The following PDE10A variants were observed in gnomAD, a reference collection of about 807,000 sequenced individuals.
PDE10A encodes the protein phosphodiesterase 10A, also known as cAMP and cAMP-inhibited cGMP 3',5'-cyclic phosphodiesterase 10A.
PDE10A carries 39 observed loss-of-function variants against 97.7 expected under a neutral mutation model. The ratio of observed to expected loss-of-function variants is 0.40; its 90% CI spans 0.31 to 0.52. The LOEUF (loss-of-function observed/expected upper bound fraction) is 0.52. Among genes scored for constraint, PDE10A ranks in the 20% least tolerant of loss-of-function variants. The probability of loss-of-function intolerance (pLI) is 0.56; values close to 1 mark genes in which losing one functional copy is unlikely to be tolerated. For missense variants in PDE10A, 731 were observed against 1,047.8 expected, an observed-to-expected ratio of 0.70 and a Z score of 4.17; for synonymous variants, 371 against 376.8, an observed-to-expected ratio of 0.98 and a Z score of 0.18.
chr6:165,634,233 A>T (rs527504597), intron 1 of PDE10A, among the ~76,000 whole-genome samples: 1 of 152,220 alleles, frequency 6.6e-6, no homozygotes, highest in South Asian at 2.1e-4. Flanking sequence ...ATGTGTCTGC[A>T]GCGGTGCCCA....
At chr6:165,891,451 C>T (rs1781792655) in intron 1 of PDE10A, among the ~76,000 whole-genome samples, 1 of 152,124 alleles carries the variant, frequency 6.6e-6, no homozygotes, top group African/African-American at 2.4e-5. Flanking sequence ...TCCCAGCCTC[C>T]CAGGTTCAGC....
intron 1 of PDE10A, among the ~76,000 whole-genome samples, chr6:165,897,740 G>A (rs781776684): frequency 1.3e-5 from 2 of 151,778 alleles, no homozygotes; most frequent in Non-Finnish European, 2.9e-5. Context: ...CTGTAGGTGA[G>A]CTCAGGATGT....
At chr6:165,718,510 AG>A (rs1187530641) in intron 1 of PDE10A, among the ~76,000 whole-genome samples, 1 of 152,240 alleles carries the variant, frequency 6.6e-6, no homozygotes, top group African/African-American at 2.4e-5. Context: ...ACAAGGGTCT[AG>A]ATAGAACAGG....
intron 1 of PDE10A, among the ~76,000 whole-genome samples, chr6:165,961,735 C>A (rs1189528975): frequency 6.6e-6 from 1 of 152,176 alleles, no homozygotes; most frequent in Non-Finnish European, 1.5e-5. Context: ...CTTTTCAGAG[C>A]CCCAGAACAA....
At chr6:165,565,583 A>G (rs776247830) in intron 1 of PDE10A, among the ~76,000 whole-genome samples, 2 of 152,206 alleles carry the variant, frequency 1.3e-5, no homozygotes, top group Admixed American at 1.3e-4. Flanking sequence ...AAAACTGATT[A>G]AAGTTTATAT....
At chr6:165,916,555 G>A (rs549900783) in intron 1 of PDE10A, among the ~76,000 whole-genome samples, 1 of 152,220 alleles carries the variant, frequency 6.6e-6, no homozygotes, top group Non-Finnish European at 1.5e-5. Context: ...CAAATGACAA[G>A]ACCTAATGAC....
chr6:165,447,873 A>C lies in PDE10A; in HGVS notation c.1194+1055T>G, dbSNP rs570904415. On this transcript the variant is annotated intron_variant, in intron 5 of 21. Coordinates refer to ENST00000539869, the MANE Select transcript of PDE10A (RefSeq NM_001385079.1). ...ATAAGCCTTTCATTTTTGAGGTAAC[A>C]AGCGTAATTTGTTACAATACAAGGG... Among the ~76,000 whole-genome samples, 50 of 152,360 alleles carry C rather than the reference A, an allele frequency of 3.3e-4. No individual in the cohort carries two copies. The East Asian group carries it at 8.3e-3, about 25-fold the overall frequency.
intron 2 of PDE10A, among the ~76,000 whole-genome samples, chr6:165,501,528 G>A (rs866476191): frequency 1.2e-4 from 18 of 151,328 alleles, no homozygotes; most frequent in Middle Eastern, 3.4e-3. Flanking sequence ...AGCAGAGATC[G>A]CGCCACTGCA....
chr6:165,627,648 G>C (rs1463583732), intron 1 of PDE10A, among the ~76,000 whole-genome samples: 1 of 152,232 alleles, frequency 6.6e-6, no homozygotes, highest in South Asian at 2.1e-4. Context: ...TGGCAGAGCA[G>C]AGTAATCAAA....
At chr6:165,950,600 TC>T (rs1483586981) in intron 1 of PDE10A, among the ~76,000 whole-genome samples, 1 of 152,180 alleles carries the variant, frequency 6.6e-6, no homozygotes, top group African/African-American at 2.4e-5. Flanking sequence ...CACAGGAGAC[TC>T]CCAATACCTG....
At chr6:165,700,197 A>G (rs1438593451) in intron 1 of PDE10A, among the ~76,000 whole-genome samples, 1 of 152,220 alleles carries the variant, frequency 6.6e-6, no homozygotes, top group Non-Finnish European at 1.5e-5. Flanking sequence ...GAAACCAGTC[A>G]CAAGAGACCA....
chr6:165,920,486 A>C (rs1782723943), intron 1 of PDE10A, among the ~76,000 whole-genome samples: 1 of 152,098 alleles, frequency 6.6e-6, no homozygotes, highest in South Asian at 2.1e-4. Flanking sequence ...TTGGTCTTAT[A>C]CTGTGGCATA....
At chr6:165,730,331 G>A (rs1792398837) in intron 1 of PDE10A, among the ~76,000 whole-genome samples, 1 of 152,280 alleles carries the variant, frequency 6.6e-6, no homozygotes, top group Non-Finnish European at 1.5e-5. Flanking sequence ...AAAGCCATGT[G>A]TTCTCTGAAA....
chr6:165,651,960 T>G (rs1191146538), intron 1 of PDE10A, among the ~76,000 whole-genome samples: 1 of 152,182 alleles, frequency 6.6e-6, no homozygotes, highest in Admixed American at 6.6e-5. Context: ...CTGCCACGTG[T>G]CTGGGTTTGT....
intron 1 of PDE10A, among the ~76,000 whole-genome samples, chr6:165,716,267 G>C (rs1301064121): frequency 6.6e-6 from 1 of 152,192 alleles, no homozygotes; most frequent in Non-Finnish European, 1.5e-5. Context: ...CGCACAGTAT[G>C]ATTGCTTTAC....
At chr6:165,749,373 A>G (rs1158780672) in intron 1 of PDE10A, among the ~76,000 whole-genome samples, 5 of 150,854 alleles carry the variant, frequency 3.3e-5, no homozygotes, top group African/African-American at 1.2e-4. Flanking sequence ...CATCATCACC[A>G]TCACCACCAC....
chr6:165,651,763 T>A (rs560534281), intron 1 of PDE10A, among the ~76,000 whole-genome samples: 35 of 152,324 alleles, frequency 2.3e-4, no homozygotes, highest in African/African-American at 8.2e-4. Flanking sequence ...TGCATTTAAA[T>A]ATACACATAA....
At chr6:165,773,967 A>C (rs931986783) in intron 1 of PDE10A, among the ~76,000 whole-genome samples, 2 of 152,092 alleles carry the variant, frequency 1.3e-5, no homozygotes, top group African/African-American at 4.8e-5. Context: ...AGATGCTTTT[A>C]AGACATTATT....
At chr6:165,760,753 A>G (rs2128457906) in intron 1 of PDE10A, among the ~76,000 whole-genome samples, 1 of 152,314 alleles carries the variant, frequency 6.6e-6, no homozygotes, top group South Asian at 2.1e-4. Flanking sequence ...TTTTCATTTT[A>G]AAGATGAGAA....
Sources: allele counts gnomAD v4.1 joint callset (sites outside exome capture counted in the v4.1 genomes callset), GRCh38; gene constraint gnomAD v4.1.1; transcripts MANE v1.5; gene names NCBI Gene and HGNC (gene_info 2026-07-23, HGNC 2026-07-21).